Variants in GRK4 observed in about 807,000 individuals in gnomAD.
GRK4 encodes G protein-coupled receptor kinase 4.
Under a neutral mutation model 77.9 loss-of-function variants are expected in GRK4, and 73 were observed. The ratio of observed to expected loss-of-function variants is 0.94; its 90% CI spans 0.78 to 1.14. The LOEUF is 1.14. GRK4 is among the 50% of genes most tolerant of loss of function. The probability of loss-of-function intolerance (pLI) is 0.00; values close to 1 mark genes in which losing one functional copy is unlikely to be tolerated. For synonymous variants in GRK4, 257 were observed against 254.4 expected (o/e 1.01, Z -0.10); for missense variants, 729 against 700.2 (o/e 1.04, Z -0.46).
chr4:2,998,884 T>C (rs1728735467), intron 4 of GRK4, among the ~76,000 whole-genome samples: 1 of 152,104 alleles, frequency 6.6e-6, no homozygotes, highest in Non-Finnish European at 1.5e-5. Flanking sequence ...AGAACTCATA[T>C]GGATAGTCAA....
At chr4:3,022,329 C>T in intron 9 of GRK4, 85 bp from the exon 10 acceptor site, 1 of 1,346,398 alleles carries the variant, frequency 7.4e-7, no homozygotes, top group Admixed American at 1.8e-5. Flanking sequence ...CTAGCCCTTG[C>T]TCACGCTGGT....
At chr4:2,972,834 A>G (rs563563739) in intron 1 of GRK4, among the ~76,000 whole-genome samples, 6 of 152,228 alleles carry the variant, frequency 3.9e-5, no homozygotes, top group Middle Eastern at 3.4e-3. Flanking sequence ...TCCCGGGCTC[A>G]AGCAGCTCTC....
In GRK4 at chr4:2,963,882, C is replaced by CGCA; in HGVS notation, c.-188_-187insCAG. 3.0e-6 allele frequency: 2 copies of CGCA among 656,136 alleles called. No homozygotes were observed. Among genetic ancestry groups the CGCA allele is most frequent in the Non-Finnish European group, 5.4e-6 (2 of 370,522 alleles). 40.6% of individuals were successfully genotyped at this position (656,136 alleles called of 1,614,324 possible). On this transcript the variant is annotated 5_prime_UTR_variant, in exon 1 of 16. Transcript: ENST00000398052. The stretch of plus-strand genomic sequence containing the variant: ...CCGCTCCCCTGCTGGTGAGGGCCTG[C>CGCA]GGAGGCGGCGGCGGCGGCGCCCTTG...
Position 3,004,278 on chromosome 4 carries a change from T to C in GRK4, c.387T>C (p.Cys129=). The C allele has an allele frequency of 6.2e-7, 1 of 1,613,984 alleles. No individual in the cohort carries two copies. Among genetic ancestry groups the C allele is most frequent in the Non-Finnish European group, 8.5e-7 (1 of 1,179,834 alleles). The change falls in exon 5 of 16, where the codon TGT becomes TGC. Residue 129 remains cysteine, a synonymous_variant. Coordinates refer to ENST00000398052, the MANE Select transcript of GRK4 (RefSeq NM_182982.3). ...PEIPPDVVTE[C]RLGLKEENPS... ...TACCTCCAGATGTTGTGACAGAATG[T>C]AGATTGGGACTGAAGGAGGAGAACC... is the stretch of plus-strand genomic sequence containing the variant.
chr4:3,001,949 G>A (rs1160546904), intron 4 of GRK4, among the ~76,000 whole-genome samples: 1 of 152,092 alleles, frequency 6.6e-6, no homozygotes, highest in East Asian at 1.9e-4. Context: ...CATTGAATCT[G>A]GACAGTGGTT....
chr4:2,988,624 C>T (rs1349001976), intron 2 of GRK4, 103 bp from the exon 3 acceptor site: 4 of 656,948 alleles, frequency 6.1e-6, no homozygotes, highest in African/African-American at 1.8e-5. Context: ...AAATACTGTT[C>T]TTGACTTTTA....
In GRK4 at chr4:2,976,511, T is replaced by G. The variant is rs1328029241; in HGVS notation, c.53-8002T>G. The stretch of plus-strand genomic sequence containing the variant: ...AATAAAAGCCAACTAGATTCCAATT[T>G]GAAATTTGATGTAATTTTGTCCTTT... On this transcript the variant is annotated intron_variant, in intron 1 of 15. Coordinates refer to ENST00000398052, the MANE Select transcript of GRK4 (RefSeq NM_182982.3). Among the ~76,000 whole-genome samples the G allele has an allele frequency of 4.6e-5, 7 of 152,220 alleles. No homozygotes were observed. The East Asian group carries it at 1.3e-3, about 29-fold the overall frequency.
At chr4:3,001,367 A>AT (rs1474381064) in intron 4 of GRK4, among the ~76,000 whole-genome samples, 6 of 115,462 alleles carry the variant, frequency 5.2e-5, no homozygotes, top group East Asian at 4.2e-4. Flanking sequence ...ATATATATAT[A>AT]TATTTTTTTT....
At chr4:2,967,338 TTG>T (rs1429568559) in intron 1 of GRK4, among the ~76,000 whole-genome samples, 1 of 152,236 alleles carries the variant, frequency 6.6e-6, no homozygotes, top group East Asian at 1.9e-4. Flanking sequence ...CTGAAAGTGT[TTG>T]TGTGTCACTC....
chr4:2,968,691 A>G (rs947073197), intron 1 of GRK4, among the ~76,000 whole-genome samples: 1 of 152,122 alleles, frequency 6.6e-6, no homozygotes, highest in Non-Finnish European at 1.5e-5. Flanking sequence ...GTGGCATATT[A>G]GCAAGCAGTG....
intron 1 of GRK4, among the ~76,000 whole-genome samples, chr4:2,974,881 G>A (rs889281150): frequency 1.3e-5 from 2 of 152,232 alleles, no homozygotes. Context: ...TCCTGGCAAC[G>A]ACTCTGCATA....
In GRK4 at chr4:3,029,206, G is replaced by A. The variant is rs1324708245; in HGVS notation, c.1066G>A (p.Glu356Lys). The change falls in exon 12 of 16, where the codon GAA becomes AAA. Residue 356 changes from glutamate (E) to lysine (K), a missense_variant. Transcript: ENST00000398052. ...TTCCTGTATTTGTTATGTAGCACCTGAAGTTGTCAATAATGAAAAGTATAC... is the reference window on the plus strand; with the variant it reads ...TTCCTGTATTTGTTATGTAGCACCTAAAGTTGTCAATAATGAAAAGTATAC... The part of the protein sequence containing the change: ...RVGTVGYMAP[E>K]VVNNEKYTFS... The A allele has an allele frequency of 1.2e-6, 2 of 1,609,370 alleles. No homozygotes were observed. The highest frequency in any genetic ancestry group is 1.7e-6 in the Non-Finnish European group (2 of 1,176,924).
chr4:3,013,858 C>T, intron 8 of GRK4, 30 bp downstream of exon 8: 1 of 1,581,188 alleles, frequency 6.3e-7, no homozygotes, highest in Non-Finnish European at 8.6e-7. Context: ...CTTCACTGTG[C>T]ATTGTTTGAT....
At chr4:2,992,398 G>C (rs1307697212) in intron 4 of GRK4, 106 bp downstream of exon 4, 1 of 718,122 alleles carries the variant, frequency 1.4e-6, no homozygotes, top group Non-Finnish European at 2.3e-6. Context: ...GCTTTAATTT[G>C]GCTGGGTGTG....
At chr4:3,016,885 C>G (rs144871908) in intron 8 of GRK4, among the ~76,000 whole-genome samples, 6 of 152,328 alleles carry the variant, frequency 3.9e-5, no homozygotes, top group African/African-American at 1.4e-4. Context: ...AACCTAGAGA[C>G]ATTTTTCTCC....
intron 1 of GRK4, among the ~76,000 whole-genome samples, chr4:2,980,672 G>A (rs1722634125): frequency 6.6e-6 from 1 of 152,058 alleles, no homozygotes; most frequent in Non-Finnish European, 1.5e-5. Flanking sequence ...ACCTCTTGTT[G>A]CCACCCTACC....
At chr4:3,034,165 C>T (rs1185363305) in intron 12 of GRK4, among the ~76,000 whole-genome samples, 6 of 152,114 alleles carry the variant, frequency 3.9e-5, no homozygotes, top group African/African-American at 1.4e-4. Context: ...GGTATGGGGG[C>T]CAGAAAGCTA....
At chr4:3,005,544 G>A (rs60480235) in intron 5 of GRK4, among the ~76,000 whole-genome samples, 1,563 of 151,976 alleles carry the variant, frequency 0.01, 29 homozygotes, top group African/African-American at 0.036. Context: ...GGCTCACGCC[G>A]GTAATCCCAG....
At chr4:2,990,982 C>A (rs181753354) in intron 3 of GRK4, among the ~76,000 whole-genome samples, 2 of 152,206 alleles carry the variant, frequency 1.3e-5, no homozygotes, top group Non-Finnish European at 2.9e-5. Context: ...CCCCTCATGG[C>A]ACATGGCATG....
Sources: gnomAD v4.1 joint callset for allele counts (sites outside exome capture counted in the v4.1 genomes callset) on GRCh38, gnomAD v4.1.1 for gene constraint, MANE v1.5 for transcripts, NCBI Gene and HGNC (gene_info 2026-07-23, HGNC 2026-07-21) for gene names.